Variants in BEND3 observed in about 807,000 individuals in gnomAD.
The protein encoded by BEND3 is BEN domain-containing protein 3.
A neutral mutation model predicts 60.1 loss-of-function variants in BEND3; 13 were observed. The ratio of observed to expected loss-of-function variants is 0.22; its 90% CI spans 0.14 to 0.34. The LOEUF is 0.34. BEND3 is among the 10% of genes least tolerant of loss of function. The probability of loss-of-function intolerance (pLI) is 1.00; values close to 1 mark genes in which losing one functional copy is unlikely to be tolerated. For synonymous variants in BEND3, 497 were observed against 491.5 expected, an observed-to-expected ratio of 1.01 and a Z score of -0.15; for missense variants, 896 against 1,138.1, an observed-to-expected ratio of 0.79 and a Z score of 3.06.
At chr6:107,101,949 G>A (rs1470641129) in intron 1 of BEND3, among the ~76,000 whole-genome samples, 2 of 152,148 alleles carry the variant, frequency 1.3e-5, no homozygotes, top group African/African-American at 4.8e-5. Context: ...TGTCAGAGGC[G>A]GACATACTTT....
chr6:107,108,216 C>A (rs545552025), intron 1 of BEND3, among the ~76,000 whole-genome samples: 3 of 152,170 alleles, frequency 2.0e-5, no homozygotes, highest in African/African-American at 7.2e-5. Flanking sequence ...CAAGCACAGC[C>A]GCACAACCCT....
chr6:107,104,182 C>G (rs1433902105), intron 1 of BEND3, among the ~76,000 whole-genome samples: 1 of 149,880 alleles, frequency 6.7e-6, no homozygotes, highest in Admixed American at 6.7e-5. Context: ...CCCAGCTACT[C>G]GGGAGGCTGA....
intron 3 of BEND3, among the ~76,000 whole-genome samples, chr6:107,076,173 T>G (rs1356302855): frequency 6.6e-6 from 1 of 152,188 alleles, no homozygotes; most frequent in African/African-American, 2.4e-5. Context: ...ATTCCACAAA[T>G]GCTGCCAAGG....
intron 1 of BEND3, among the ~76,000 whole-genome samples, chr6:107,103,399 G>A (rs1266884408): frequency 1.3e-5 from 2 of 152,154 alleles, no homozygotes; most frequent in East Asian, 3.9e-4. Flanking sequence ...GGCTACGTAG[G>A]CGCTGCCACA....
At position 107,070,059 on chromosome 6, in the gene BEND3, G is replaced by C; in HGVS notation, c.1132C>G (p.Leu378Val). Residue 378 changes from leucine (L) to valine (V), a missense_variant, in exon 4 of 4, where the codon CTG becomes GTG. Leu to Val is a conservative substitution (Grantham distance 32, BLOSUM62 1). Transcript: ENST00000369042. This position sits in a 1 kb window ranked among gnomAD's most constrained non-coding sequence, Gnocchi z 6.9. Reference sequence around the variant, plus strand: ...ATGGTGCTGCTCCGGTCAAGAGACAGGGCCTCCTCCTGGTCTTTGTTGTCC... The same window carrying C: ...ATGGTGCTGCTCCGGTCAAGAGACACGGCCTCCTCCTGGTCTTTGTTGTCC... Reference protein sequence around the residue: ...FLDNKDQEEALSLDRSSTIAS... With the variant: ...FLDNKDQEEAVSLDRSSTIAS... 6.2e-7 allele frequency: 1 copy of C among 1,613,728 alleles called. No homozygotes were observed.
intron 1 of BEND3, among the ~76,000 whole-genome samples, chr6:107,108,850 G>A (rs1385551906): frequency 6.6e-6 from 1 of 152,176 alleles, no homozygotes; most frequent in Non-Finnish European, 1.5e-5. Flanking sequence ...CTGTTGCCCA[G>A]GATGGAGTGC....
At position 107,108,240 on chromosome 6, in the gene BEND3, T is replaced by A. The variant is rs150884451; in HGVS notation, c.-12+6850A>T. ...CCGCACAACCCTGCCCGCGCGCCTG[T>A]GATTTGGCGTCTTAATCTTTGGTCA... On this transcript the variant is annotated intron_variant, in intron 1 of 3. Transcript: ENST00000369042. 2.8e-3 allele frequency among the ~76,000 whole-genome samples: 431 copies of A among 152,306 alleles called. 5 individuals are homozygous for A. Among genetic ancestry groups the A allele is most frequent in the African/African-American group, 9.5e-3 (396 of 41,562 alleles).
At position 107,069,586 on chromosome 6, in the gene BEND3, G is replaced by A. The variant is rs782571608; in HGVS notation, c.1605C>T (p.Asp535=). The A allele has an allele frequency of 1.3e-5, 21 of 1,612,738 alleles. No homozygotes were observed. Among genetic ancestry groups the A allele is most frequent in the Non-Finnish European group, 1.7e-5 (20 of 1,180,036 alleles). Residue 535 remains aspartate, a synonymous_variant, in exon 4 of 4, where the codon GAC becomes GAT. Transcript: ENST00000369042. ...GCTGGGGGATCTCTAACTTGTCGAA[G>A]TCGATGGGCACCAGCCAGATCTTCT... is the stretch of plus-strand genomic sequence containing the variant. The part of the protein sequence containing the change: ...RSKKIWLVPI[D]FDKLEIPQPD...
At chr6:107,074,394 AAC>A (rs1554232510) in intron 3 of BEND3, among the ~76,000 whole-genome samples, 1 of 152,224 alleles carries the variant, frequency 6.6e-6, no homozygotes, top group African/African-American at 2.4e-5. Context: ...TGGCCTGGGC[AAC>A]AGAGTGAGAC....
chr6:107,097,125 G>C (rs938853241), intron 3 of BEND3, among the ~76,000 whole-genome samples: 2 of 152,168 alleles, frequency 1.3e-5, no homozygotes, highest in African/African-American at 4.8e-5. Flanking sequence ...CGAACACTTT[G>C]GGAGGCTGAG....
At chr6:107,099,364 C>G in intron 1 of BEND3, 68 bp from the exon 2 acceptor site, 3 of 1,426,850 alleles carry the variant, frequency 2.1e-6, no homozygotes, top group East Asian at 2.3e-5. Flanking sequence ...TCTCTACCCA[C>G]AGAAAATCCT....
chr6:107,109,830 T>C (rs1343863650), intron 1 of BEND3, among the ~76,000 whole-genome samples: 1 of 151,602 alleles, frequency 6.6e-6, no homozygotes, highest in East Asian at 1.9e-4. Context: ...GCCGGGATCA[T>C]GCCATTGCAC....
intron 1 of BEND3, among the ~76,000 whole-genome samples, chr6:107,102,109 C>G (rs1241997365): frequency 6.6e-6 from 1 of 152,090 alleles, no homozygotes; most frequent in Admixed American, 6.6e-5. Context: ...TGGGCAAATA[C>G]TAGAACAAAA....
chr6:107,084,438 G>A (rs1468730961), intron 3 of BEND3, among the ~76,000 whole-genome samples: 1 of 152,190 alleles, frequency 6.6e-6, no homozygotes, highest in Non-Finnish European at 1.5e-5. Flanking sequence ...TCTGTGTCTA[G>A]CTAAAGGACT....
At chr6:107,096,599 G>A (rs529099307) in intron 3 of BEND3, among the ~76,000 whole-genome samples, 2 of 152,036 alleles carry the variant, frequency 1.3e-5, no homozygotes, top group South Asian at 2.1e-4. Context: ...GCCACACAGC[G>A]AGACTCCATC....
At chr6:107,086,680 T>C (rs1775355930) in intron 3 of BEND3, among the ~76,000 whole-genome samples, 1 of 151,934 alleles carries the variant, frequency 6.6e-6, no homozygotes. Context: ...CCCGACATTA[T>C]TGAAGGACTA....
At chr6:107,081,701 T>A (rs9373914) in intron 3 of BEND3, among the ~76,000 whole-genome samples, 76,299 of 151,496 alleles carry the variant, frequency 0.5, 19,611 homozygotes, top group African/African-American at 0.57. Context: ...TCCCTAAACA[T>A]GTCAGAGTCC....
chr6:107,099,113 G>C, intron 2 of BEND3, 136 bp downstream of exon 2: 1 of 701,880 alleles, frequency 1.4e-6, no homozygotes, highest in Non-Finnish European at 2.5e-6. Context: ...AGGGGGATGG[G>C]AACCGGGGAA....
intron 1 of BEND3, among the ~76,000 whole-genome samples, chr6:107,108,456 T>C (rs1554237847): frequency 2.0e-5 from 3 of 152,206 alleles, no homozygotes; most frequent in African/African-American, 7.2e-5. Flanking sequence ...TCCAGCCATG[T>C]GACTGACTGC....
Sources: gnomAD v4.1 joint callset for allele counts (sites outside exome capture counted in the v4.1 genomes callset) on GRCh38, gnomAD v4.1.1 for gene constraint, Gnocchi (gnomAD v3.1) non-coding constraint, MANE v1.5 for transcripts, NCBI Gene and HGNC (gene_info 2026-07-23, HGNC 2026-07-21) for gene names.